Variants in ZNF326 observed in about 807,000 individuals in gnomAD.
The protein encoded by ZNF326 is zinc finger protein 326, also known as DBIRD complex subunit ZNF326.
A neutral mutation model predicts 63.1 loss-of-function variants in ZNF326; 30 were observed. The ratio of observed to expected loss-of-function variants is 0.48; its 90% CI spans 0.36 to 0.64. The LOEUF (loss-of-function observed/expected upper bound fraction) is 0.64, where lower values mean the gene tolerates loss of function less well. ZNF326 is among the 30% of genes least tolerant of loss of function. The pLI, the probability that ZNF326 is intolerant of heterozygous loss-of-function variation, is 0.00. For synonymous variants in ZNF326, 194 were observed against 228.2 expected, an observed-to-expected ratio of 0.85 and a Z score of 1.35; for missense variants, 609 against 720.3, an observed-to-expected ratio of 0.85 and a Z score of 1.77.
At chr1:90,010,667 G>T (rs1030338362) in intron 6 of ZNF326, among the ~76,000 whole-genome samples, 3 of 152,024 alleles carry the variant, frequency 2.0e-5, no homozygotes, top group African/African-American at 7.2e-5. Flanking sequence ...CCATATGATT[G>T]TAACAGAAAT....
At chr1:90,015,763 T>C (rs1034037998) in intron 7 of ZNF326, among the ~76,000 whole-genome samples, 1 of 152,004 alleles carries the variant, frequency 6.6e-6, no homozygotes, top group African/African-American at 2.4e-5. Flanking sequence ...CTGGGAATGG[T>C]AGGGTTACAG....
intron 4 of ZNF326, among the ~76,000 whole-genome samples, chr1:90,006,803 T>A (rs1649013548): frequency 6.6e-6 from 1 of 152,178 alleles, no homozygotes; most frequent in Non-Finnish European, 1.5e-5. Flanking sequence ...CCAGAGATAA[T>A]TCCCCAAATT....
At chr1:90,013,030 A>C in intron 6 of ZNF326, 96 bp from the exon 7 acceptor site, 1 of 975,450 alleles carries the variant, frequency 1.0e-6, no homozygotes, top group Non-Finnish European at 1.4e-6. Context: ...ACAATCACTA[A>C]GTATACCTCA....
intron 6 of ZNF326, among the ~76,000 whole-genome samples, chr1:90,011,658 A>G (rs1649239494): frequency 6.6e-6 from 1 of 151,962 alleles, no homozygotes; most frequent in Admixed American, 6.6e-5. Context: ...GGATATGGAG[A>G]AATTGAAACC....
chr1:89,998,889 A>T (rs1274994594), intron 2 of ZNF326, among the ~76,000 whole-genome samples: 1 of 152,258 alleles, frequency 6.6e-6, no homozygotes, highest in African/African-American at 2.4e-5. Context: ...GAATATATTC[A>T]CAAAGTAAAA....
At position 90,033,180 on chromosome 1, in the gene ZNF326, T is replaced by G. The variant is rs1412530778; in HGVS notation, c.*5479T>G. ...CTTCCACTACCTATTTCTTAGTAGA[T>G]TTTACATTTTTAAAGGGTTGTAGAA... On this transcript the variant is annotated 3_prime_UTR_variant, in exon 12 of 12. Transcript: ENST00000340281. The G allele has an allele frequency of 6.6e-6, 1 of 152,182 alleles. No homozygotes were observed. Among genetic ancestry groups the G allele is most frequent in the African/African-American group, 2.4e-5 (1 of 41,442 alleles). The allele number at this position is 152,182 out of a possible 1,614,324, so 9.4% of individuals were successfully genotyped here.
chr1:90,024,278 A>G (rs1045930814), intron 11 of ZNF326, among the ~76,000 whole-genome samples: 4 of 152,184 alleles, frequency 2.6e-5, no homozygotes, highest in Admixed American at 1.3e-4. Flanking sequence ...CATTGAGATA[A>G]TCAGTACATC....
intron 7 of ZNF326, among the ~76,000 whole-genome samples, chr1:90,016,234 A>G (rs1432417798): frequency 6.6e-6 from 1 of 152,132 alleles, no homozygotes; most frequent in Non-Finnish European, 1.5e-5. Context: ...AACCAAGTCA[A>G]GTAACTTGCC....
At chr1:90,017,816 G>C (rs957563199) in intron 8 of ZNF326, among the ~76,000 whole-genome samples, 3 of 152,140 alleles carry the variant, frequency 2.0e-5, no homozygotes, top group African/African-American at 7.2e-5. Flanking sequence ...GAAAGATTAT[G>C]CTCAGAGCAG....
At chr1:90,004,902 A>G in intron 2 of ZNF326, 101 bp from the exon 3 acceptor site, 1 of 913,686 alleles carries the variant, frequency 1.1e-6, no homozygotes, top group Non-Finnish European at 1.6e-6. Flanking sequence ...GTTAATGGTA[A>G]ATTATCTCAG....
chr1:90,005,841 A>G (rs557315679), intron 4 of ZNF326: 22 of 985,380 alleles, frequency 2.2e-5, no homozygotes, highest in Non-Finnish European at 2.4e-5. Flanking sequence ...GCTCTAGGCT[A>G]GAAGCATTGT....
intron 11 of ZNF326, among the ~76,000 whole-genome samples, chr1:90,023,516 T>C (rs765464104): frequency 6.6e-6 from 1 of 152,114 alleles, no homozygotes; most frequent in South Asian, 2.1e-4. Context: ...TAATCTAATA[T>C]TCGTTAATAT....
chr1:90,022,623 A>G (rs1426993332), intron 11 of ZNF326, among the ~76,000 whole-genome samples: 1 of 152,216 alleles, frequency 6.6e-6, no homozygotes, highest in African/African-American at 2.4e-5. Context: ...TTCTTGATTT[A>G]AGAAAAAATT....
At chr1:90,020,246 CT>C (rs996703373) in intron 9 of ZNF326, among the ~76,000 whole-genome samples, 12 of 152,132 alleles carry the variant, frequency 7.9e-5, no homozygotes, top group African/African-American at 2.6e-4. Context: ...TTAGGCCCTT[CT>C]TTTTTTCTAT....
chr1:90,004,425 T>G (rs1434766896), intron 2 of ZNF326, among the ~76,000 whole-genome samples: 1 of 152,230 alleles, frequency 6.6e-6, no homozygotes, highest in African/African-American at 2.4e-5. Flanking sequence ...GGACAAAAAT[T>G]TCCCCTTTGA....
In ZNF326 at chr1:90,032,491, T is replaced by C. The variant is rs904536361; in HGVS notation, c.*4790T>C. ...AAATTCTAAAGTTCTATTAAAATTG[T>C]AGAGGAGATACAATAATACAAATTT... On this transcript the variant is annotated 3_prime_UTR_variant, in exon 12 of 12. Transcript: ENST00000340281. The C allele has an allele frequency of 6.6e-6, 1 of 152,166 alleles. No individual in the cohort carries two copies. The highest frequency in any genetic ancestry group is 1.5e-5 in the Non-Finnish European group (1 of 68,034). The allele number at this position is 152,166 out of a possible 1,614,324, so 9.4% of individuals were successfully genotyped here.
At chr1:90,025,289 A>G (rs1649964110) in intron 11 of ZNF326, among the ~76,000 whole-genome samples, 1 of 152,202 alleles carries the variant, frequency 6.6e-6, no homozygotes, top group Non-Finnish European at 1.5e-5. Flanking sequence ...ACTGATAAAT[A>G]TCTCCAAAAA....
Position 90,010,279 on chromosome 1 carries a change from A to G in ZNF326, c.807A>G (p.Lys269=), listed in dbSNP as rs747213649. The change falls in exon 6 of 12, where the codon AAA becomes AAG. Residue 269 remains lysine, a synonymous_variant. Coordinates refer to ENST00000340281, the MANE Select transcript of ZNF326 (RefSeq NM_182976.4). ...CTATGGAGAAGATAAGCCTCAGCAA[A>G]TCACCCAGTAAGTAAGAAAACATAA... is the stretch of plus-strand genomic sequence containing the variant. ...AKPMEKISLS[K]SPTKTDPKNE... 1.2e-6 allele frequency: 2 copies of G among 1,613,110 alleles called. No individual in the cohort carries two copies. The highest frequency in any genetic ancestry group is 1.1e-5 in the South Asian group (1 of 90,828).
At chr1:90,021,012 T>G in intron 10 of ZNF326, 90 bp downstream of exon 10, 1 of 1,256,258 alleles carries the variant, frequency 8.0e-7, no homozygotes, top group Non-Finnish European at 1.1e-6. Flanking sequence ...TATCTGCAAT[T>G]TTATCAATTT....
Sources: gnomAD v4.1 joint callset for allele counts (sites outside exome capture counted in the v4.1 genomes callset) on GRCh38, gnomAD v4.1.1 for gene constraint, MANE v1.5 for transcripts, NCBI Gene and HGNC (gene_info 2026-07-23, HGNC 2026-07-21) for gene names.